Variants in CFAP92 observed in about 807,000 individuals in gnomAD.
The protein encoded by CFAP92 is cilia and flagella associated protein 92 (putative), also known as uncharacterized protein CFAP92.
Under a neutral mutation model 106.3 loss-of-function variants are expected in CFAP92, and 86 were observed. The observed-to-expected ratio is 0.81, with a 90% CI of 0.68 to 0.97. CFAP92 has a LOEUF of 0.97. Among genes scored for constraint, CFAP92 ranks in the 50% least tolerant of loss-of-function variants. The pLI, the probability that CFAP92 is intolerant of heterozygous loss-of-function variation, is 0.00. For missense variants in CFAP92, 1,204 were observed against 1,283.8 expected, an observed-to-expected ratio of 0.94 and a Z score of 0.95; for synonymous variants, 477 against 506.4, an observed-to-expected ratio of 0.94 and a Z score of 0.78.
chr3:128,917,802 C>T lies in CFAP92; in HGVS notation c.2752-1531G>A, dbSNP rs146781270. Among the ~76,000 whole-genome samples the T allele has an allele frequency of 8.5e-5, 13 of 152,166 alleles. No individual in the cohort carries two copies. In the East Asian group the frequency reaches 2.5e-3, roughly 29 times the overall value. On this transcript the variant is annotated intron_variant, in intron 12 of 15. Transcript: ENST00000645291. The stretch of plus-strand genomic sequence containing the variant: ...CCACTTGAGATATGCTTTCAGAAAG[C>T]AGTCCTGTATAAAAAAGATAAAATT...
At chr3:128,957,574 C>T (rs1322692150) in intron 9 of CFAP92, among the ~76,000 whole-genome samples, 1 of 151,498 alleles carries the variant, frequency 6.6e-6, no homozygotes, top group Non-Finnish European at 1.5e-5. Context: ...GAATAAAAAC[C>T]AAGAGAAACA....
chr3:128,989,057 G>T, intron 2 of CFAP92, 139 bp from the exon 3 acceptor site: 1 of 682,706 alleles, frequency 1.5e-6, no homozygotes, highest in Non-Finnish European at 2.5e-6. Context: ...GGAGGTACAG[G>T]TCCAGTGCTC....
Position 128,945,713 on chromosome 3 carries a change from A to G in CFAP92, c.1616T>C (p.Phe539Ser), listed in dbSNP as rs753719587. ...CTCTCTGGGAGAGATGAGGGCCTGG[A>G]AGTTGAGGTATGAATCCAGAGGGTC... ...GEDPLDSYLN[F>S]QALISPRETE... is the part of the protein sequence containing the mutation. Residue 539 changes from phenylalanine to serine, a missense_variant, in exon 10 of 16, where the codon TTC becomes TCC. Transcript: ENST00000645291. 6.5e-7 allele frequency: 1 copy of G among 1,535,908 alleles called. No individual in the cohort carries two copies.
chr3:128,992,582 T>A (rs71331685), intron 2 of CFAP92, among the ~76,000 whole-genome samples: 98,270 of 149,658 alleles, frequency 0.66, 32,596 homozygotes, highest in African/African-American at 0.82. Flanking sequence ...AATTATTATT[T>A]TTTTTTTTTT....
At chr3:128,943,826 C>A (rs955508483) in intron 10 of CFAP92, among the ~76,000 whole-genome samples, 6 of 150,880 alleles carry the variant, frequency 4.0e-5, no homozygotes, top group Admixed American at 4.0e-4. Flanking sequence ...TGTGAGCCAC[C>A]GTGCCTGGCT....
chr3:128,948,956 C>A (rs1576480190), intron 9 of CFAP92, among the ~76,000 whole-genome samples: 1 of 152,306 alleles, frequency 6.6e-6, no homozygotes, highest in East Asian at 1.9e-4. Context: ...ATAAACACAT[C>A]AAAAGATGCT....
chr3:129,005,970 T>G (rs144553750), upstream of CFAP92, among the ~76,000 whole-genome samples: 4 of 152,398 alleles, frequency 2.6e-5, no homozygotes, highest in East Asian at 7.7e-4. Flanking sequence ...TATAGCAGAA[T>G]GCTACAAGTG....
chr3:129,002,547 A>C, intron 1 of CFAP92: 1 of 883,126 alleles, frequency 1.1e-6, no homozygotes, highest in Non-Finnish European at 1.6e-6. Flanking sequence ...ATTCCTGAAA[A>C]CCCCAATCAC....
In CFAP92 at chr3:128,915,183, A is replaced by C. The variant is rs146891204; in HGVS notation, c.3216T>G (p.Asp1072Glu). ...GGAAAGGTGGTGGTTTCTTGTACAG[A>C]TCAAAGTCCACGTGGTGCCTGTCCC... ...WSWDRHHVDFDLYKKPPPFLE... is the reference protein window; with the variant it reads ...WSWDRHHVDFELYKKPPPFLE... Residue 1072 changes from aspartate to glutamate, a missense_variant, in exon 15 of 16, where the codon GAT becomes GAG. Transcript: ENST00000645291. 31 of 1,536,102 alleles carry C rather than the reference A, an allele frequency of 2.0e-5. No individual in the cohort carries two copies. In the African/African-American group the frequency reaches 4.2e-4, roughly 21 times the overall value.
chr3:128,956,593 A>G (rs112938356), intron 9 of CFAP92, among the ~76,000 whole-genome samples: 28 of 151,330 alleles, frequency 1.9e-4, no homozygotes, highest in African/African-American at 6.9e-4. Context: ...CACCTTACTT[A>G]TAGGGAAAAA....
intron 12 of CFAP92, among the ~76,000 whole-genome samples, chr3:128,922,966 G>C (rs992493896): frequency 6.6e-6 from 1 of 152,218 alleles, no homozygotes; most frequent in Non-Finnish European, 1.5e-5. Flanking sequence ...GTTAGAAGGG[G>C]CCTGCTTCTC....
At chr3:128,935,002 C>A (rs901432171) in intron 11 of CFAP92, 123 bp downstream of exon 11, 6 of 696,558 alleles carry the variant, frequency 8.6e-6, no homozygotes, top group Non-Finnish European at 1.1e-5. Context: ...CCTCCTCCCC[C>A]CACCATCTGT....
At chr3:128,978,815 T>G (rs1943334418) in intron 4 of CFAP92, among the ~76,000 whole-genome samples, 1 of 152,206 alleles carries the variant, frequency 6.6e-6, no homozygotes, top group Non-Finnish European at 1.5e-5. Context: ...CAAGATGGAT[T>G]GAAGACTTAA....
chr3:128,978,194 C>A lies in CFAP92; in HGVS notation c.668-9G>T. Reference sequence around the variant, plus strand: ...AACCAAATGTCTCACTTCTAGAATGCAGGAGAAGAAAGGATCATTGACTCA... The same window carrying A: ...AACCAAATGTCTCACTTCTAGAATGAAGGAGAAGAAAGGATCATTGACTCA... On this transcript the variant is annotated splice_polypyrimidine_tract_variant and intron_variant, in intron 4 of 15. Transcript: ENST00000645291. The A allele has an allele frequency of 6.2e-7, 1 of 1,610,296 alleles. No individual in the cohort carries two copies. Among genetic ancestry groups the A allele is most frequent in the Non-Finnish European group, 8.5e-7 (1 of 1,177,760 alleles).
intron 9 of CFAP92, among the ~76,000 whole-genome samples, chr3:128,958,995 G>A (rs1941661071): frequency 6.6e-6 from 1 of 152,178 alleles, no homozygotes; most frequent in South Asian, 2.1e-4. Context: ...TGGATCACCT[G>A]AGGTCAGGAG....
chr3:128,930,710 C>T (rs906518862), intron 12 of CFAP92, among the ~76,000 whole-genome samples: 1 of 151,986 alleles, frequency 6.6e-6, no homozygotes, highest in Non-Finnish European at 1.5e-5. Flanking sequence ...GAGATCACGC[C>T]ACTACACTCG....
intron 9 of CFAP92, among the ~76,000 whole-genome samples, chr3:128,950,585 A>G (rs964466275): frequency 2.0e-5 from 3 of 152,224 alleles, no homozygotes; most frequent in African/African-American, 7.2e-5. Context: ...GCATGGGTGC[A>G]GCGCACTTGT....
intron 9 of CFAP92, among the ~76,000 whole-genome samples, chr3:128,957,226 TA>T (rs1941511651): frequency 1.3e-5 from 2 of 152,182 alleles, no homozygotes; most frequent in Non-Finnish European, 2.9e-5. Flanking sequence ...GAACCACGGG[TA>T]AACAAATACA....
chr3:128,939,793 C>G (rs113767809), intron 10 of CFAP92, among the ~76,000 whole-genome samples: 4,836 of 152,272 alleles, frequency 0.032, 117 homozygotes, highest in Non-Finnish European at 0.049. Flanking sequence ...GCATTAGATT[C>G]TCATAAGGAA....
Sources: gnomAD v4.1 joint callset for allele counts (sites outside exome capture counted in the v4.1 genomes callset) on GRCh38, gnomAD v4.1.1 for gene constraint, MANE v1.5 for transcripts, NCBI Gene and HGNC (gene_info 2026-07-23, HGNC 2026-07-21) for gene names.